PDE10A: variants seen among roughly 807,000 people sequenced by gnomAD.
PDE10A encodes cAMP and cAMP-inhibited cGMP 3',5'-cyclic phosphodiesterase 10A.
A neutral mutation model predicts 97.7 loss-of-function variants in PDE10A; 39 were observed. The ratio of observed to expected loss-of-function variants is 0.40; its 90% CI spans 0.31 to 0.52. PDE10A has a LOEUF of 0.52. Among genes scored for constraint, PDE10A ranks in the 20% least tolerant of loss-of-function variants. The pLI, the probability that PDE10A is intolerant of heterozygous loss-of-function variation, is 0.56. For synonymous variants in PDE10A, 371 were observed against 376.8 expected, an observed-to-expected ratio of 0.98 and a Z score of 0.18; for missense variants, 731 against 1,047.8, an observed-to-expected ratio of 0.70 and a Z score of 4.17.
At chr6:165,824,483 C>T (rs934722827) in intron 1 of PDE10A, among the ~76,000 whole-genome samples, 16 of 152,176 alleles carry the variant, frequency 1.1e-4, no homozygotes, top group Admixed American at 2.6e-4. Flanking sequence ...CCTATGTTTA[C>T]CTCACCATGG....
At chr6:165,747,978 C>T (rs1051699498) in intron 1 of PDE10A, among the ~76,000 whole-genome samples, 1 of 152,174 alleles carries the variant, frequency 6.6e-6, no homozygotes, top group African/African-American at 2.4e-5. Context: ...AGGGACCTTC[C>T]AGACTATTGT....
Position 165,896,570 on chromosome 6 carries a change from G to A in PDE10A, c.-615+90959C>T, listed in dbSNP as rs543389336. Among the ~76,000 whole-genome samples, 7 of 147,520 alleles carry A rather than the reference G, an allele frequency of 4.7e-5. No homozygotes were observed. The East Asian group carries it at 1.4e-3, about 30-fold the overall frequency. ...GATGGAGTCTTGCTCTGTCGCCCAG[G>A]CTGGAGTACAGTGGCGCAATCTCGG... On this transcript the variant is annotated intron_variant, in intron 1 of 19. Transcript: ENST00000366882.
At chr6:165,817,437 C>T (rs1779449678) in intron 1 of PDE10A, among the ~76,000 whole-genome samples, 1 of 152,150 alleles carries the variant, frequency 6.6e-6, no homozygotes, top group African/African-American at 2.4e-5. Context: ...GAGACCCCCA[C>T]TCCCTACCAC....
intron 1 of PDE10A, among the ~76,000 whole-genome samples, chr6:165,735,442 A>G (rs188351840): frequency 2.6e-5 from 4 of 151,928 alleles, no homozygotes; most frequent in East Asian, 3.9e-4. Flanking sequence ...TGGTAGATAT[A>G]TAGGTAGGTA....
At chr6:165,695,172 C>G (rs1364061305) in intron 1 of PDE10A, among the ~76,000 whole-genome samples, 1 of 149,366 alleles carries the variant, frequency 6.7e-6, no homozygotes, top group East Asian at 2.0e-4. Flanking sequence ...TAAGGAGCTC[C>G]TTGAAGTTGC....
chr6:165,414,065 T>C (rs964127747), intron 12 of PDE10A, among the ~76,000 whole-genome samples: 1 of 152,176 alleles, frequency 6.6e-6, no homozygotes, highest in Admixed American at 6.5e-5. Context: ...GTTGATCGTG[T>C]TTATGAGAGA....
At chr6:165,833,100 A>C (rs1384172578) in intron 1 of PDE10A, among the ~76,000 whole-genome samples, 1 of 152,164 alleles carries the variant, frequency 6.6e-6, no homozygotes, top group African/African-American at 2.4e-5. Context: ...TTATTCTCCT[A>C]TTTGGTTATA....
chr6:165,831,275 G>C (rs368740648), intron 1 of PDE10A, among the ~76,000 whole-genome samples: 1 of 148,712 alleles, frequency 6.7e-6, no homozygotes, highest in Non-Finnish European at 1.5e-5. Context: ...GGGAGGCTGA[G>C]GCAGGAGAAT....
Position 165,957,601 on chromosome 6 carries a change from C to T in PDE10A, c.-615+29928G>A, listed in dbSNP as rs937288747. ...TGTGCTAAGTTCTTCACAAGAATGA[C>T]TTTATTTGTGCAATTTGACTCCAAA... On this transcript the variant is annotated intron_variant, in intron 1 of 19. Coordinates refer to the PDE10A transcript ENST00000366882. Among the ~76,000 whole-genome samples, 3 of 152,214 alleles carry T rather than the reference C, an allele frequency of 2.0e-5. No homozygotes were observed. The South Asian group carries it at 6.2e-4, about 32-fold the overall frequency.
intron 1 of PDE10A, among the ~76,000 whole-genome samples, chr6:165,610,359 A>G (rs148209978): frequency 0.013 from 2,032 of 152,156 alleles, 47 homozygotes; most frequent in African/African-American, 0.047. Context: ...GTGAAACCCC[A>G]TTTCTACTAA....
intron 1 of PDE10A, chr6:165,940,180 A>AAAG (rs1312124672): frequency 6.6e-6 from 1 of 152,274 alleles, no homozygotes; most frequent in Non-Finnish European, 1.5e-5. Flanking sequence ...CATTCAGAAT[A>AAAG]AAGATTCTAT....
chr6:165,471,465 T>C (rs146669233), intron 3 of PDE10A, among the ~76,000 whole-genome samples: 2 of 152,238 alleles, frequency 1.3e-5, no homozygotes, highest in African/African-American at 2.4e-5. Context: ...GTCTCATATA[T>C]ACAACTTACT....
intron 2 of PDE10A, among the ~76,000 whole-genome samples, chr6:165,512,036 T>G (rs1251892651): frequency 1.3e-5 from 2 of 152,034 alleles, no homozygotes; most frequent in Non-Finnish European, 2.9e-5. Flanking sequence ...AAGTTATTAT[T>G]GCATGGGAAG....
intron 19 of PDE10A, among the ~76,000 whole-genome samples, chr6:165,340,953 A>T (rs572932899): frequency 6.6e-5 from 10 of 152,354 alleles, no homozygotes; most frequent in African/African-American, 2.4e-4. Context: ...GCCTGAGGTT[A>T]AATACCAAGT....
chr6:165,680,450 C>T (rs1273638129), intron 1 of PDE10A, among the ~76,000 whole-genome samples: 2 of 152,160 alleles, frequency 1.3e-5, no homozygotes, highest in Non-Finnish European at 2.9e-5. Context: ...AAGCACCTCT[C>T]CAGTGCAATG....
intron 19 of PDE10A, among the ~76,000 whole-genome samples, chr6:165,342,802 T>G (rs908975290): frequency 7.9e-5 from 12 of 152,214 alleles, no homozygotes; most frequent in South Asian, 2.1e-4. Flanking sequence ...ATCAGCAAAT[T>G]GAGCAGTACA....
chr6:165,363,822 A>G (rs1783589131), intron 18 of PDE10A, among the ~76,000 whole-genome samples: 1 of 152,234 alleles, frequency 6.6e-6, no homozygotes, highest in Admixed American at 6.5e-5. Context: ...TAACAATAGA[A>G]GTACAAAATA....
chr6:165,408,982 GGCGAA>G (rs965881483), intron 13 of PDE10A, among the ~76,000 whole-genome samples: 1 of 151,140 alleles, frequency 6.6e-6, no homozygotes, highest in African/African-American at 2.4e-5. Context: ...TGGCTAACAC[GGCGAA>G]ACCCCATCTC....
At chr6:165,670,560 A>G (rs1790620176) in intron 1 of PDE10A, among the ~76,000 whole-genome samples, 2 of 152,226 alleles carry the variant, frequency 1.3e-5, no homozygotes, top group Admixed American at 1.3e-4. Flanking sequence ...CTTGGAATTG[A>G]ACAACTAAAA....
Sources: allele counts gnomAD v4.1 joint callset (sites outside exome capture counted in the v4.1 genomes callset), GRCh38; gene constraint gnomAD v4.1.1; transcripts MANE v1.5; gene names NCBI Gene and HGNC (gene_info 2026-07-23, HGNC 2026-07-21).